RERE: variants seen among roughly 807,000 people sequenced by gnomAD.
The protein encoded by RERE is arginine-glutamic acid dipeptide repeats.
A neutral mutation model predicts 146.1 loss-of-function variants in RERE; 40 were observed. The ratio of observed to expected loss-of-function variants is 0.27; its 90% CI spans 0.21 to 0.36. RERE has a LOEUF of 0.36. RERE is among the 10% of genes least tolerant of loss of function. The pLI, the probability that RERE is intolerant of heterozygous loss-of-function variation, is 1.00. For missense variants in RERE, 1,933 were observed against 2,138.7 expected (o/e 0.90, Z 1.90); for synonymous variants, 1,003 against 866.0 (o/e 1.16, Z -2.78).
chr1:8,576,242 G>T (rs1283716039), intron 4 of RERE, among the ~76,000 whole-genome samples: 1 of 151,742 alleles, frequency 6.6e-6, no homozygotes, highest in African/African-American at 2.4e-5. Context: ...TCTCTGTGTT[G>T]TACCTGCACC....
At chr1:8,785,407 C>A (rs1025688376) in intron 1 of RERE, among the ~76,000 whole-genome samples, 1 of 152,216 alleles carries the variant, frequency 6.6e-6, no homozygotes, top group East Asian at 1.9e-4. Flanking sequence ...TCAGACATAT[C>A]TTTTATATTA....
At chr1:8,691,518 T>C (rs1639206616) in intron 1 of RERE, among the ~76,000 whole-genome samples, 2 of 152,158 alleles carry the variant, frequency 1.3e-5, no homozygotes, top group Admixed American at 6.5e-5. Flanking sequence ...CATTCAAACA[T>C]AGATCTAGGG....
At chr1:8,518,909 C>T (rs911579710) in intron 7 of RERE, among the ~76,000 whole-genome samples, 2 of 152,184 alleles carry the variant, frequency 1.3e-5, no homozygotes, top group African/African-American at 4.8e-5. Context: ...GTTAGCCCTG[C>T]TCCTTAAGAA....
Position 8,713,635 on chromosome 1 carries a change from G to A in RERE, c.-144-57194C>T, listed in dbSNP as rs374882717. 2.2e-4 allele frequency among the ~76,000 whole-genome samples: 34 copies of A among 152,216 alleles called. No homozygotes were observed. The East Asian group carries it at 6.4e-3, about 29-fold the overall frequency. On this transcript the variant is annotated intron_variant, in intron 1 of 22. Transcript: ENST00000400908. ...TGTAGTCCCAGCTACTTGGGAGGCT[G>A]AGGCAGAAGAACCACTTGAACCCGG...
At chr1:8,701,790 G>GTT (rs1326285122) in intron 1 of RERE, among the ~76,000 whole-genome samples, 1 of 150,314 alleles carries the variant, frequency 6.7e-6, no homozygotes, top group Non-Finnish European at 1.5e-5. Flanking sequence ...AAATTACAGA[G>GTT]TTAGAAAAAA....
At chr1:8,507,154 T>C (rs1168367059) in intron 8 of RERE, among the ~76,000 whole-genome samples, 2 of 152,288 alleles carry the variant, frequency 1.3e-5, no homozygotes, top group East Asian at 3.9e-4. Flanking sequence ...ATGCCTTTAG[T>C]CCCAGCTACT....
intron 1 of RERE, among the ~76,000 whole-genome samples, chr1:8,740,185 TTGTG>T (rs1307923209): frequency 2.6e-5 from 4 of 152,232 alleles, no homozygotes; most frequent in African/African-American, 4.8e-5. Flanking sequence ...ATGTTCATCC[TTGTG>T]TGAACATGAT....
Position 8,364,709 on chromosome 1 carries a change from C to G in RERE, c.1540+37G>C. ...GTTCAGAACATGGAAGTGCTTGTGC[C>G]CCCGCCCCGCCCCAGGAGCGTGACG... On this transcript the variant is annotated intron_variant, in intron 14 of 22. Transcript: ENST00000400908. This position sits in a 1 kb window ranked among gnomAD's most constrained non-coding sequence, Gnocchi z 5.1. 6.6e-7 allele frequency: 1 copy of G among 1,503,850 alleles called. No homozygotes were observed. Among genetic ancestry groups the G allele is most frequent in the Non-Finnish European group, 9.3e-7 (1 of 1,080,008 alleles). 93.2% of individuals were successfully genotyped at this position (1,503,850 alleles called of 1,614,324 possible). A position where few individuals can be genotyped will look rare whatever the true frequency, so the allele number is the denominator to read the frequency against.
At chr1:8,355,956 C>T (rs1641273213) in intron 21 of RERE, 144 bp downstream of exon 21, 1 of 855,888 alleles carries the variant, frequency 1.2e-6, no homozygotes, top group African/African-American at 1.8e-5. Flanking sequence ...GGCTTGTTCC[C>T]CCACGGACCC....
chr1:8,638,783 A>ATTTTTT (rs34276909), intron 2 of RERE, among the ~76,000 whole-genome samples: 6 of 100,330 alleles, frequency 6.0e-5, no homozygotes, highest in South Asian at 3.2e-4. Flanking sequence ...ACGAAAAAAA[A>ATTTTTT]TTTTTTTTTT....
chr1:8,361,494 G>A lies in RERE; in HGVS notation c.2017-4C>T. Reference sequence around the variant, plus strand: ...GCGAGTTGGGCCTGCTGATCTCCTGGAGTCAGAGAAGGGAAGGATGGAAGT... The same window carrying A: ...GCGAGTTGGGCCTGCTGATCTCCTGAAGTCAGAGAAGGGAAGGATGGAAGT... On this transcript the variant is annotated splice_polypyrimidine_tract_variant and splice_region_variant and intron_variant, in intron 17 of 22. Coordinates refer to ENST00000400908, the MANE Select transcript of RERE (RefSeq NM_001042681.2). The A allele has an allele frequency of 6.2e-7, 1 of 1,609,216 alleles. No individual in the cohort carries two copies. Among genetic ancestry groups the A allele is most frequent in the Non-Finnish European group, 8.5e-7 (1 of 1,179,946 alleles).
chr1:8,358,066 C>T, intron 20 of RERE, 130 bp downstream of exon 20: 1 of 1,462,728 alleles, frequency 6.8e-7, no homozygotes, highest in African/African-American at 1.4e-5. Flanking sequence ...CTGAGCTCTT[C>T]TAAGATCTGC....
intron 1 of RERE, among the ~76,000 whole-genome samples, chr1:8,716,321 A>T (rs895396007): frequency 1.3e-5 from 2 of 150,484 alleles, no homozygotes; most frequent in East Asian, 2.0e-4. Context: ...AAAAAAAATT[A>T]AAAAATTAGC....
intron 7 of RERE, chr1:8,526,007 T>C (rs1332958380): frequency 1.6e-6 from 2 of 1,286,544 alleles, no homozygotes; most frequent in Non-Finnish European, 2.0e-6. Flanking sequence ...CCCTCCCTCA[T>C]CCACACACTG....
At chr1:8,662,551 G>A (rs1162953393) in intron 1 of RERE, among the ~76,000 whole-genome samples, 3 of 152,092 alleles carry the variant, frequency 2.0e-5, no homozygotes, top group African/African-American at 4.8e-5. Flanking sequence ...TTAGCTATGC[G>A]TGGTGGTGCA....
chr1:8,705,168 G>T (rs758770875), intron 1 of RERE, among the ~76,000 whole-genome samples: 4 of 152,176 alleles, frequency 2.6e-5, no homozygotes, highest in Non-Finnish European at 5.9e-5. Flanking sequence ...GTTGGAAAAG[G>T]CTGGTGAGAA....
chr1:8,578,431 G>T (rs17032681), intron 4 of RERE, among the ~76,000 whole-genome samples: 3,924 of 152,192 alleles, frequency 0.026, 153 homozygotes, highest in African/African-American at 0.089. Context: ...CAAACGCATT[G>T]AACTAATCTT....
intron 11 of RERE, among the ~76,000 whole-genome samples, chr1:8,464,177 T>G (rs1455084225): frequency 1.3e-5 from 2 of 152,248 alleles, no homozygotes; most frequent in East Asian, 1.9e-4. Flanking sequence ...AACAGCTTCA[T>G]GAACTCTGTA....
Position 8,429,395 on chromosome 1 carries a change from C to A in RERE, c.1204-6588G>T, listed in dbSNP as rs139168669. On this transcript the variant is annotated intron_variant, in intron 11 of 22. Coordinates refer to ENST00000400908, the MANE Select transcript of RERE (RefSeq NM_001042681.2). ...CCCAAGATATTGTTTCCCAAAAATT[C>A]TATGTGTGGATAGAGAATACTGGGC... Among the ~76,000 whole-genome samples the A allele has an allele frequency of 2.7e-3, 405 of 152,232 alleles. 3 individuals are homozygous for A. The highest frequency in any genetic ancestry group is 9.3e-3 in the African/African-American group (386 of 41,520).
Sources: gnomAD v4.1 joint callset for allele counts (sites outside exome capture counted in the v4.1 genomes callset) on GRCh38, gnomAD v4.1.1 for gene constraint, Gnocchi (gnomAD v3.1) non-coding constraint, MANE v1.5 for transcripts, NCBI Gene and HGNC (gene_info 2026-07-23, HGNC 2026-07-21) for gene names.